MRTFA: variants seen among roughly 807,000 people sequenced by gnomAD.
The protein encoded by MRTFA is myocardin-related transcription factor A.
A neutral mutation model predicts 83.5 loss-of-function variants in MRTFA; 20 were observed. The ratio of observed to expected loss-of-function variants is 0.24; its 90% CI spans 0.17 to 0.35. MRTFA has a LOEUF of 0.35. Ranked by LOEUF, MRTFA falls within the 10% of genes least tolerant of loss-of-function variation. The probability of loss-of-function intolerance (pLI) is 1.00; values close to 1 mark genes in which losing one functional copy is unlikely to be tolerated. For synonymous variants in MRTFA, 659 were observed against 541.2 expected, an observed-to-expected ratio of 1.22 and a Z score of -3.02; for missense variants, 1,200 against 1,224.7, an observed-to-expected ratio of 0.98 and a Z score of 0.30.
intron 2 of MRTFA, among the ~76,000 whole-genome samples, chr22:40,555,602 A>C (rs899294339): frequency 1.7e-4 from 25 of 151,328 alleles, no homozygotes; most frequent in Non-Finnish European, 2.5e-4. Context: ...ATATATATAT[A>C]TCTCCACTCA....
At chr22:40,430,401 T>C (rs796843292) in intron 6 of MRTFA, among the ~76,000 whole-genome samples, 37 of 152,110 alleles carry the variant, frequency 2.4e-4, no homozygotes, top group African/African-American at 8.9e-4. Flanking sequence ...GACAGGAGAA[T>C]TGCTTGAGCC....
rs967643033 is a variant in MRTFA at position 40,417,279 on chromosome 22, G to A, written c.2517+62C>T. ...TATTCCTCCGGGTGGGGCTGTAGGA[G>A]CCTCAGCCCAGCAGCCTAGGGCAGC... On this transcript the variant is annotated intron_variant, in intron 13 of 14. Coordinates refer to ENST00000355630, the MANE Select transcript of MRTFA (RefSeq NM_020831.6). 7 of 1,565,566 alleles carry A rather than the reference G, an allele frequency of 4.5e-6. No individual in the cohort carries two copies. The Admixed American group carries it at 1.3e-4, about 29-fold the overall frequency.
intron 3 of MRTFA, among the ~76,000 whole-genome samples, chr22:40,498,223 C>CTATTTTCCA (rs978346771): frequency 2.5e-5 from 3 of 120,644 alleles, no homozygotes; most frequent in Non-Finnish European, 5.0e-5. Flanking sequence ...CAGCATGCTT[C>CTATTTTCCA]TATTTTCCAC....
intron 7 of MRTFA, among the ~76,000 whole-genome samples, chr22:40,426,675 G>A (rs528147473): frequency 2.5e-4 from 38 of 152,190 alleles, no homozygotes; most frequent in Admixed American, 2.0e-3. Flanking sequence ...CCTCCAAGCT[G>A]CCCCCAGACG....
At chr22:40,527,036 G>A (rs2147268966) in intron 3 of MRTFA, among the ~76,000 whole-genome samples, 1 of 152,094 alleles carries the variant, frequency 6.6e-6, no homozygotes, top group South Asian at 2.1e-4. Flanking sequence ...TGAGATGGGA[G>A]GATTGCTTGA....
chr22:40,418,249 G>C lies in MRTFA; in HGVS notation c.2364+125C>G, dbSNP rs2052730377. The C allele has an allele frequency of 2.7e-6, 4 of 1,485,522 alleles. No homozygotes were observed. The South Asian group carries it at 5.6e-5, about 21-fold the overall frequency. The allele number at this position is 1,485,522 out of a possible 1,614,324, so 92.0% of individuals were successfully genotyped here. ...TAAGTCTCAGTACCCCCCTGGTGAA[G>C]GAAGATTAAATGAAGCAAACACAAA... is the stretch of plus-strand genomic sequence containing the variant. On this transcript the variant is annotated intron_variant, in intron 12 of 14. Transcript: ENST00000355630.
At chr22:40,500,130 C>T (rs1312454956) in intron 3 of MRTFA, among the ~76,000 whole-genome samples, 11 of 151,092 alleles carry the variant, frequency 7.3e-5, no homozygotes, top group Admixed American at 7.2e-4. Context: ...GGGGTTTCAC[C>T]ATGTTGGCCA....
chr22:40,617,658 C>A (rs867182756), intron 1 of MRTFA, among the ~76,000 whole-genome samples: 6 of 144,854 alleles, frequency 4.1e-5, no homozygotes, highest in African/African-American at 1.5e-4. Context: ...ACCCGGGAGG[C>A]GGAGCTTGCA....
At chr22:40,423,788 G>T in intron 8 of MRTFA, 103 bp from the exon 9 acceptor site, 1 of 1,116,736 alleles carries the variant, frequency 9.0e-7, no homozygotes, top group Admixed American at 3.1e-5. Context: ...CATTGTCAGA[G>T]GGCAAATGGT....
At chr22:40,443,281 AAACTT>A (rs796680219) in intron 4 of MRTFA, among the ~76,000 whole-genome samples, 94 of 152,130 alleles carry the variant, frequency 6.2e-4, no homozygotes, top group African/African-American at 2.2e-3. Flanking sequence ...CAAACAAAAA[AAACTT>A]AATGTACTAC....
At chr22:40,611,608 T>C (rs1367782117) in intron 1 of MRTFA, among the ~76,000 whole-genome samples, 1 of 152,186 alleles carries the variant, frequency 6.6e-6, no homozygotes, top group Non-Finnish European at 1.5e-5. Context: ...GCAAGGAGTT[T>C]GGAGCATGGG....
At chr22:40,494,577 A>G (rs1170131912) in intron 3 of MRTFA, among the ~76,000 whole-genome samples, 2 of 151,916 alleles carry the variant, frequency 1.3e-5, no homozygotes, top group Non-Finnish European at 2.9e-5. Flanking sequence ...GCTACTCAGG[A>G]GGCTAAGGTA....
At chr22:40,608,868 T>C (rs1185860757) in intron 1 of MRTFA, among the ~76,000 whole-genome samples, 3 of 152,178 alleles carry the variant, frequency 2.0e-5, no homozygotes, top group Non-Finnish European at 4.4e-5. Flanking sequence ...CACTATGTTA[T>C]CCCTTATATA....
chr22:40,579,066 C>T (rs2055909984), intron 2 of MRTFA, among the ~76,000 whole-genome samples: 1 of 152,162 alleles, frequency 6.6e-6, no homozygotes, highest in Non-Finnish European at 1.5e-5. Flanking sequence ...TGTGATCATG[C>T]CACTGCATTC....
intron 1 of MRTFA, among the ~76,000 whole-genome samples, chr22:40,625,469 A>ATAAG (rs1410210581): frequency 1.3e-5 from 2 of 150,946 alleles, no homozygotes; most frequent in African/African-American, 2.4e-5. Context: ...AAATAAATAA[A>ATAAG]TAAATAAATA....
intron 3 of MRTFA, among the ~76,000 whole-genome samples, chr22:40,491,005 G>A (rs2054263071): frequency 6.6e-6 from 1 of 151,834 alleles, no homozygotes; most frequent in Non-Finnish European, 1.5e-5. Flanking sequence ...TAACTCAAAT[G>A]TGTCCATTCT....
At chr22:40,583,188 C>T (rs1232420198) in intron 2 of MRTFA, among the ~76,000 whole-genome samples, 1 of 151,936 alleles carries the variant, frequency 6.6e-6, no homozygotes, top group African/African-American at 2.4e-5. Flanking sequence ...AACTTGAAGG[C>T]AAATATAGCC....
intron 12 of MRTFA, 30 bp from the exon 13 acceptor site, chr22:40,417,523 G>A (rs1298416030): frequency 4.6e-6 from 6 of 1,308,116 alleles, no homozygotes; most frequent in South Asian, 1.2e-5. Flanking sequence ...GAGGACCAGT[G>A]GCCAGGGGGC....
chr22:40,442,118 T>C (rs2053288891), intron 4 of MRTFA, among the ~76,000 whole-genome samples: 1 of 152,184 alleles, frequency 6.6e-6, no homozygotes, highest in South Asian at 2.1e-4. Context: ...CAAGCAGTTC[T>C]AGAAATGCCT....
Sources: gnomAD v4.1 joint callset for allele counts (sites outside exome capture counted in the v4.1 genomes callset) on GRCh38, gnomAD v4.1.1 for gene constraint, MANE v1.5 for transcripts, NCBI Gene and HGNC (gene_info 2026-07-23, HGNC 2026-07-21) for gene names.